Variants in PARVG observed in about 807,000 individuals in gnomAD.
PARVG encodes gamma-parvin.
Under a neutral mutation model 44.4 loss-of-function variants are expected in PARVG, and 36 were observed. The observed-to-expected ratio is 0.81, with a 90% CI of 0.62 to 1.07. The LOEUF is 1.07. Among genes scored for constraint, PARVG ranks in the 50% least tolerant of loss-of-function variants. The pLI is 0.00. For missense variants in PARVG, 407 were observed against 407.4 expected, an observed-to-expected ratio of 1.00 and a Z score of 0.01; for synonymous variants, 170 against 174.1, an observed-to-expected ratio of 0.98 and a Z score of 0.19.
At chr22:44,205,884 C>T (rs1027938775) in intron 13 of PARVG, 55 bp downstream of exon 13, 42 of 1,577,786 alleles carry the variant, frequency 2.7e-5, no homozygotes, top group Middle Eastern at 1.7e-4. Flanking sequence ...CAGCCTTGTG[C>T]GAGAGCCACA....
intron 6 of PARVG, among the ~76,000 whole-genome samples, chr22:44,189,929 A>G (rs913814384): frequency 6.6e-6 from 1 of 152,102 alleles, no homozygotes; most frequent in Non-Finnish European, 1.5e-5. Context: ...AAGAAACACA[A>G]AAACCAAGAG....
intron 3 of PARVG, chr22:44,183,886 C>T: frequency 2.8e-6 from 1 of 357,458 alleles, no homozygotes; most frequent in East Asian, 4.1e-5. Flanking sequence ...GCAGCGATGC[C>T]CACCATGGAG....
intron 8 of PARVG, among the ~76,000 whole-genome samples, chr22:44,192,542 C>A (rs907448488): frequency 1.3e-5 from 2 of 152,118 alleles, no homozygotes; most frequent in Admixed American, 6.5e-5. Flanking sequence ...GGCTGTCTTA[C>A]TCCCCACCCA....
intron 8 of PARVG, among the ~76,000 whole-genome samples, chr22:44,192,672 A>G (rs2054565705): frequency 7.2e-6 from 1 of 138,078 alleles, no homozygotes; most frequent in South Asian, 2.4e-4. Context: ...CTCCCCACCT[A>G]CTGGGGTTGA....
At position 44,193,785 on chromosome 22, in the gene PARVG, T is replaced by C. The variant is rs1601739623; in HGVS notation, c.561-16T>C. On this transcript the variant is annotated splice_polypyrimidine_tract_variant and intron_variant, in intron 8 of 13. Coordinates refer to ENST00000444313, the MANE Select transcript of PARVG (RefSeq NM_022141.7). ...TTTTTTTAACCATTTGTTTGCTTTT[T>C]CCACCCACTGCACAGCACAGACAAG... The C allele has an allele frequency of 6.2e-7, 1 of 1,610,786 alleles. No homozygotes were observed. The highest frequency in any genetic ancestry group is 8.5e-7 in the Non-Finnish European group (1 of 1,179,110).
At chr22:44,181,496 G>C in intron 1 of PARVG, 1 of 759,286 alleles carries the variant, frequency 1.3e-6, no homozygotes, top group Non-Finnish European at 1.6e-6. Context: ...GTGGTGGGTT[G>C]CGGGGGTCGA....
intron 6 of PARVG, 67 bp downstream of exon 6, chr22:44,189,321 T>G: frequency 6.3e-7 from 1 of 1,575,466 alleles, no homozygotes; most frequent in Non-Finnish European, 8.6e-7. Flanking sequence ...TGCTTCAGGC[T>G]TCTCACCCAC....
At chr22:44,173,364 A>T (rs926493457) in intron 1 of PARVG, among the ~76,000 whole-genome samples, 1 of 152,092 alleles carries the variant, frequency 6.6e-6, no homozygotes, top group African/African-American at 2.4e-5. Context: ...TTGACTCTGA[A>T]AGGCAAGGAA....
At chr22:44,181,360 C>G (rs991671823) in intron 1 of PARVG, 175 bp downstream of exon 1, 178 of 985,274 alleles carry the variant, frequency 1.8e-4, no homozygotes, top group Middle Eastern at 5.2e-4. Context: ...AGTCTGCAGC[C>G]GAGAGTCCAG....
chr22:44,202,465 C>A (rs1032982911), intron 12 of PARVG, among the ~76,000 whole-genome samples: 1 of 152,256 alleles, frequency 6.6e-6, no homozygotes, highest in Non-Finnish European at 1.5e-5. Context: ...GCCCCAGTTA[C>A]AAGACGGGAA....
chr22:44,201,216 A>C (rs924339749), intron 12 of PARVG, among the ~76,000 whole-genome samples: 4 of 152,100 alleles, frequency 2.6e-5, no homozygotes, highest in African/African-American at 9.7e-5. Context: ...CCTGTACCAC[A>C]GTCCACACTC....
At chr22:44,174,828 A>G (rs1319171096) in intron 1 of PARVG, among the ~76,000 whole-genome samples, 1 of 151,524 alleles carries the variant, frequency 6.6e-6, no homozygotes, top group Non-Finnish European at 1.5e-5. Flanking sequence ...CTTGTTCTCA[A>G]ATATAACTGC....
chr22:44,190,906 C>G (rs912027806), intron 7 of PARVG, among the ~76,000 whole-genome samples: 2 of 152,194 alleles, frequency 1.3e-5, no homozygotes, highest in Non-Finnish European at 2.9e-5. Flanking sequence ...CCACGGCTGG[C>G]CAGCTCCACT....
At position 44,206,398 on chromosome 22, in the gene PARVG, A is replaced by G. The variant is rs1223203873; in HGVS notation, c.968A>G (p.Asp323Gly). Residue 323 changes from aspartate to glycine, a missense_variant, in exon 14 of 14, where the codon GAC becomes GGC. Asp to Gly is a moderately conservative substitution (Grantham distance 94). Coordinates refer to ENST00000444313, the MANE Select transcript of PARVG (RefSeq NM_022141.7). ...FCKHTQKAHR[D>G]RTPHGAPN ...AAGCACACGCAGAAGGCACACAGGGACAGGACGCCCCATGGAGCCCCGAAT... is the reference window on the plus strand; with the variant it reads ...AAGCACACGCAGAAGGCACACAGGGGCAGGACGCCCCATGGAGCCCCGAAT... The G allele has an allele frequency of 6.2e-7, 1 of 1,613,998 alleles. No individual in the cohort carries two copies. The highest frequency in any genetic ancestry group is 1.7e-5 in the Admixed American group (1 of 60,016).
At chr22:44,197,240 G>A (rs796633836) in intron 11 of PARVG, among the ~76,000 whole-genome samples, 28 of 152,280 alleles carry the variant, frequency 1.8e-4, no homozygotes, top group African/African-American at 6.7e-4. Context: ...TGGGGAGGGA[G>A]GGGTTAATGT....
rs550411442 is a variant in PARVG at position 44,202,511 on chromosome 22, G to T, written c.814-3246G>T. Among the ~76,000 whole-genome samples, 4 of 152,366 alleles carry T rather than the reference G, an allele frequency of 2.6e-5. No homozygotes were observed. The East Asian group carries it at 7.7e-4, about 29-fold the overall frequency. Reference sequence around the variant, plus strand: ...GACTTCCATGTTGCTGTGTGCAGCCGCTTTGCTGAATCCACTGATTTTAGA... The same window carrying T: ...GACTTCCATGTTGCTGTGTGCAGCCTCTTTGCTGAATCCACTGATTTTAGA... On this transcript the variant is annotated intron_variant, in intron 12 of 13. Coordinates refer to ENST00000444313, the MANE Select transcript of PARVG (RefSeq NM_022141.7).
At chr22:44,194,633 T>A (rs2054593155) in intron 9 of PARVG, among the ~76,000 whole-genome samples, 1 of 150,990 alleles carries the variant, frequency 6.6e-6, no homozygotes, top group Non-Finnish European at 1.5e-5. Context: ...CCATCACCTG[T>A]CCATCCATCC....
intron 9 of PARVG, among the ~76,000 whole-genome samples, chr22:44,194,882 C>T (rs894144736): frequency 6.6e-6 from 1 of 152,018 alleles, no homozygotes; most frequent in African/African-American, 2.4e-5. Flanking sequence ...TCCATCCATC[C>T]ATTCATCTAT....
At chr22:44,189,552 C>T (rs960972510) in intron 6 of PARVG, among the ~76,000 whole-genome samples, 11 of 152,168 alleles carry the variant, frequency 7.2e-5, no homozygotes, top group African/African-American at 1.2e-4. Context: ...TTCCAAGTAC[C>T]GTGGTCCGCC....
Sources: allele counts gnomAD v4.1 joint callset (sites outside exome capture counted in the v4.1 genomes callset), GRCh38; gene constraint gnomAD v4.1.1; transcripts MANE v1.5; gene names NCBI Gene and HGNC (gene_info 2026-07-23, HGNC 2026-07-21).